Variants in ARSJ observed in about 807,000 individuals in gnomAD.
ARSJ encodes arylsulfatase J.
A neutral mutation model predicts 35.9 loss-of-function variants in ARSJ; 26 were observed. The ratio of observed to expected loss-of-function variants is 0.72; its 90% CI spans 0.53 to 1.00. The LOEUF (loss-of-function observed/expected upper bound fraction) is 1.00. Among genes scored for constraint, ARSJ ranks in the 50% least tolerant of loss-of-function variants. The probability of loss-of-function intolerance (pLI) is 0.00; values close to 1 mark genes in which losing one functional copy is unlikely to be tolerated. For missense variants in ARSJ, 667 were observed against 723.6 expected, an observed-to-expected ratio of 0.92 and a Z score of 0.90; for synonymous variants, 294 against 267.6, an observed-to-expected ratio of 1.10 and a Z score of -0.96.
rs1594369836 is a variant in ARSJ at position 113,902,402 on chromosome 4, C to G, written c.1672G>C (p.Glu558Gln). 1 of 1,613,638 alleles carries G rather than the reference C, an allele frequency of 6.2e-7. No homozygotes were observed. The highest frequency in any genetic ancestry group is 8.5e-7 in the Non-Finnish European group (1 of 1,179,880). ...GGVWGPWYKEETKKKKPSKNQ... is the reference protein window; with the variant it reads ...GGVWGPWYKEQTKKKKPSKNQ... ...TTGCTTGGCTTCTTTTTCTTGGTTT[C>G]CTCTTTATACCATGGTCCCCAGACC... Residue 558 changes from glutamate to glutamine, a missense_variant, in exon 2 of 2, where the codon GAA becomes CAA. Coordinates refer to ENST00000315366, the MANE Select transcript of ARSJ (RefSeq NM_024590.4).
At chr4:113,926,583 G>T (rs1452257733) in intron 1 of ARSJ, among the ~76,000 whole-genome samples, 2 of 152,154 alleles carry the variant, frequency 1.3e-5, no homozygotes, top group Non-Finnish European at 2.9e-5. Context: ...GGTGGCAGGA[G>T]TGGGGACCAT....
At position 113,964,795 on chromosome 4, in the gene ARSJ, C is replaced by T. The variant is rs1288491976; in HGVS notation, c.398+13642G>A. On this transcript the variant is annotated intron_variant, in intron 1 of 1. Transcript: ENST00000315366. ...GCTTATTGGAAACGCAGAACCAAGA[C>T]CCCCACCCTAGCCTTTCTGAAATAT... Among the ~76,000 whole-genome samples the T allele has an allele frequency of 2.6e-5, 4 of 152,056 alleles. No homozygotes were observed. The South Asian group carries it at 8.3e-4, about 31-fold the overall frequency.
In ARSJ at chr4:113,939,317, A is replaced by G. The variant is rs549791610; in HGVS notation, c.399-35642T>C. On this transcript the variant is annotated intron_variant, in intron 1 of 1. Transcript: ENST00000315366. The stretch of plus-strand genomic sequence containing the variant: ...TCTTAATCCAGTCTATCATTGTTGG[A>G]CATTTGGCTTGGTTCCAAGTCTTTG... Among the ~76,000 whole-genome samples, 360 of 147,520 alleles carry G rather than the reference A, an allele frequency of 2.4e-3. 5 individuals carry two copies. In the East Asian group the frequency reaches 0.025, roughly 10 times the overall value.
intron 1 of ARSJ, among the ~76,000 whole-genome samples, chr4:113,929,794 A>G (rs1724314807): frequency 6.6e-6 from 1 of 152,006 alleles, no homozygotes; most frequent in Non-Finnish European, 1.5e-5. Flanking sequence ...ATTTTCTTTC[A>G]TCAGTTTTTC....
intron 1 of ARSJ, among the ~76,000 whole-genome samples, chr4:113,946,789 A>G (rs1725516604): frequency 6.6e-6 from 1 of 152,138 alleles, no homozygotes; most frequent in Admixed American, 6.6e-5. Context: ...AAACAAAGGC[A>G]GTATTAAAAT....
Position 113,906,117 on chromosome 4 carries a change from T to A in ARSJ, c.399-2442A>T, listed in dbSNP as rs191169257. Among the ~76,000 whole-genome samples the A allele has an allele frequency of 2.6e-5, 4 of 152,340 alleles. No individual in the cohort carries two copies. The South Asian group carries it at 6.2e-4, about 24-fold the overall frequency. ...TGACAAATTAGTAAATACCCATTAATGGAAACTTGGAGGAAATTAAAAAGG... is the reference window on the plus strand; with the variant it reads ...TGACAAATTAGTAAATACCCATTAAAGGAAACTTGGAGGAAATTAAAAAGG... On this transcript the variant is annotated intron_variant, in intron 1 of 1. Coordinates refer to ENST00000315366, the MANE Select transcript of ARSJ (RefSeq NM_024590.4).
chr4:113,942,577 C>T (rs1264691610), intron 1 of ARSJ, among the ~76,000 whole-genome samples: 1 of 151,998 alleles, frequency 6.6e-6, no homozygotes, highest in East Asian at 1.9e-4. Context: ...CTGTCATGGA[C>T]TTTCCTCTCT....
chr4:113,955,823 T>A (rs1260514312), intron 1 of ARSJ, among the ~76,000 whole-genome samples: 1 of 152,100 alleles, frequency 6.6e-6, no homozygotes, highest in African/African-American at 2.4e-5. Context: ...TACCTTGTGG[T>A]GCCTCTCTGA....
At chr4:113,970,083 A>G (rs1727147811) in intron 1 of ARSJ, among the ~76,000 whole-genome samples, 1 of 152,166 alleles carries the variant, frequency 6.6e-6, no homozygotes, top group African/African-American at 2.4e-5. Flanking sequence ...AGTTTTAATG[A>G]GTGGTTGGCA....
chr4:113,955,004 C>CTTTT lies in ARSJ; in HGVS notation c.398+23429_398+23432dup, dbSNP rs771948398. ...ATTTATTGACTTTTCTTTTTCTTTT[C>CTTTT]TTTTTTTTTTTTTTGAGCATATGTG... On this transcript the variant is annotated intron_variant, in intron 1 of 1. Coordinates refer to ENST00000315366, the MANE Select transcript of ARSJ (RefSeq NM_024590.4). Among the ~76,000 whole-genome samples the CTTTT allele has an allele frequency of 1.9e-3, 262 of 138,212 alleles. 1 individual carries two copies. Among genetic ancestry groups the CTTTT allele is most frequent in the African/African-American group, 6.3e-3 (239 of 38,120 alleles). 90.7% of individuals were successfully genotyped at this position (138,212 alleles called of 152,430 possible). A position where few individuals can be genotyped will look rare whatever the true frequency, so the allele number is the denominator to read the frequency against.
chr4:113,969,895 C>T (rs1727135253), intron 1 of ARSJ, among the ~76,000 whole-genome samples: 1 of 152,184 alleles, frequency 6.6e-6, no homozygotes, highest in African/African-American at 2.4e-5. Context: ...TATAAATCAG[C>T]TTTGCTGCTT....
intron 1 of ARSJ, chr4:113,943,380 G>T (rs942744433): frequency 6.6e-6 from 1 of 152,022 alleles, no homozygotes; most frequent in Non-Finnish European, 1.5e-5. Flanking sequence ...TCCATCACAT[G>T]CCAGGAAGCA....
At chr4:113,922,172 T>A (rs1380202331) in intron 1 of ARSJ, among the ~76,000 whole-genome samples, 2 of 152,174 alleles carry the variant, frequency 1.3e-5, no homozygotes, top group African/African-American at 4.8e-5. Flanking sequence ...ATCTTCTGAT[T>A]AAGTAAAATC....
Position 113,903,324 on chromosome 4 carries a change from T to G in ARSJ, c.750A>C (p.Leu250Phe). Residue 250 changes from leucine to phenylalanine, a missense_variant, in exon 2 of 2, where the codon TTA becomes TTC. Transcript: ENST00000315366. ...TAGGCTTTGTGGGGTTATGGGAAGC[T>G]AAGATTTGCTGTACTCTCTGAGTGT... ...QMYTQRVQQI[L>F]ASHNPTKPIF... 6.2e-7 allele frequency: 1 copy of G among 1,614,158 alleles called. No individual in the cohort carries two copies. The highest frequency in any genetic ancestry group is 2.2e-5 in the East Asian group (1 of 44,888).
intron 1 of ARSJ, among the ~76,000 whole-genome samples, chr4:113,977,854 C>G (rs1469240144): frequency 6.6e-6 from 1 of 152,164 alleles, no homozygotes; most frequent in Non-Finnish European, 1.5e-5. Flanking sequence ...TATTTCCTTG[C>G]ATTTTGAGAA....
rs573816231 is a variant in ARSJ, at chr4:113,902,608, G to A, written c.1466C>T (p.Thr489Ile). Residue 489 changes from threonine (T) to isoleucine (I), a missense_variant, in exon 2 of 2, where the codon ACT (threonine) becomes ATT (isoleucine). By Grantham distance (89) the Thr-to-Ile change is moderately conservative. Transcript: ENST00000315366. ...RWHNERITLS[T>I]GKSVWLFNIT... The stretch of plus-strand genomic sequence containing the variant: ...GTTGAAAAGCCATACACTTTTGCCA[G>A]TTGACAAGGTGATCCGTTCATTGTG... 6.2e-7 allele frequency: 1 copy of A among 1,614,162 alleles called. No homozygotes were observed. Among genetic ancestry groups the A allele is most frequent in the East Asian group, 2.2e-5 (1 of 44,886 alleles).
At chr4:113,954,582 A>T (rs1285817672) in intron 1 of ARSJ, among the ~76,000 whole-genome samples, 1 of 152,110 alleles carries the variant, frequency 6.6e-6, no homozygotes, top group East Asian at 1.9e-4. Flanking sequence ...AAAAGTTCAC[A>T]TCTATCTCCC....
chr4:113,943,618 A>G (rs902892505), intron 1 of ARSJ: 2 of 152,100 alleles, frequency 1.3e-5, no homozygotes, highest in Admixed American at 1.3e-4. Context: ...GCTATGGGAA[A>G]AAGCAAAATA....
chr4:113,924,971 G>A (rs13117288), intron 1 of ARSJ, among the ~76,000 whole-genome samples: 3 of 151,894 alleles, frequency 2.0e-5, no homozygotes, highest in African/African-American at 7.3e-5. Context: ...ATTCCTGAAG[G>A]GTCTGGAACA....
Sources: gnomAD v4.1 joint callset for allele counts (sites outside exome capture counted in the v4.1 genomes callset) on GRCh38, gnomAD v4.1.1 for gene constraint, MANE v1.5 for transcripts, NCBI Gene and HGNC (gene_info 2026-07-23, HGNC 2026-07-21) for gene names.